The following ECT2L variants were observed in gnomAD, a reference collection of about 807,000 sequenced individuals.
The protein encoded by ECT2L is epithelial cell-transforming sequence 2 oncogene-like.
In ECT2L, 126 loss-of-function variants were observed where a neutral mutation model predicts 122.8. The observed-to-expected ratio is 1.03, with a 90% CI of 0.89 to 1.19. The LOEUF (loss-of-function observed/expected upper bound fraction) is 1.19. Ranked by LOEUF, ECT2L falls within the 50% of genes most tolerant of loss-of-function variation. The pLI is 0.00. For missense variants in ECT2L, 1,012 were observed against 1,064.1 expected (o/e 0.95, Z 0.68); for synonymous variants, 385 against 381.8 (o/e 1.01, Z -0.10).
At position 138,846,558 on chromosome 6, in the gene ECT2L, C is replaced by A; in HGVS notation, c.784C>A (p.His262Asn). 1 of 1,589,108 alleles carries A rather than the reference C, an allele frequency of 6.3e-7. No individual in the cohort carries two copies. The highest frequency in any genetic ancestry group is 8.5e-7 in the Non-Finnish European group (1 of 1,173,034). ...CCATAGAAGCAATATTTCTGGAAGC[C>A]ATTCCTACCCTTTATTATCAAAGAA... ...LPKRSNISGS[H>N]SYPLLSKKNW... is the part of the protein sequence containing the mutation. The change falls in exon 8 of 22, where the codon CAT becomes AAT. Residue 262 changes from histidine to asparagine, a missense_variant. His to Asn is a moderately conservative substitution (Grantham distance 68). Coordinates refer to ENST00000541398, the MANE Select transcript of ECT2L (RefSeq NM_001077706.3).
At chr6:138,857,459 C>T (rs903042617) in intron 10 of ECT2L, among the ~76,000 whole-genome samples, 3 of 152,136 alleles carry the variant, frequency 2.0e-5, no homozygotes, top group Non-Finnish European at 4.4e-5. Flanking sequence ...CCTCACCTCC[C>T]ACACTCTCCT....
At chr6:138,872,996 A>T (rs983150665) in intron 13 of ECT2L, among the ~76,000 whole-genome samples, 13 of 152,214 alleles carry the variant, frequency 8.5e-5, no homozygotes, top group Admixed American at 7.9e-4. Flanking sequence ...GATCACTTGG[A>T]GCAGTTCCTC....
intron 18 of ECT2L, 55 bp downstream of exon 18, chr6:138,885,885 T>C: frequency 6.5e-7 from 1 of 1,539,990 alleles, no homozygotes; most frequent in South Asian, 1.2e-5. Flanking sequence ...GCCTTTGTGG[T>C]ACTCCCACTC....
At chr6:138,838,699 A>G (rs971376866) in intron 5 of ECT2L, among the ~76,000 whole-genome samples, 185 bp downstream of exon 5, 25 of 152,256 alleles carry the variant, frequency 1.6e-4, no homozygotes, top group Admixed American at 1.4e-3. Flanking sequence ...AATAAGGAAT[A>G]TAGACTAGTC....
chr6:138,874,941 A>T (rs968584895), intron 13 of ECT2L, among the ~76,000 whole-genome samples: 1 of 152,208 alleles, frequency 6.6e-6, no homozygotes, highest in African/African-American at 2.4e-5. Flanking sequence ...GAACAAAATT[A>T]GCCAGGCATG....
At chr6:138,847,055 G>T (rs913183053) in intron 8 of ECT2L, among the ~76,000 whole-genome samples, 6 of 150,970 alleles carry the variant, frequency 4.0e-5, no homozygotes, top group African/African-American at 1.5e-4. Flanking sequence ...ATCACCTGAG[G>T]TCAGGAGTTC....
At chr6:138,877,707 G>T (rs1453833035) in intron 14 of ECT2L, among the ~76,000 whole-genome samples, 1 of 152,106 alleles carries the variant, frequency 6.6e-6, no homozygotes, top group Non-Finnish European at 1.5e-5. Flanking sequence ...GCCAAGGCAG[G>T]TGCATCGCTT....
At chr6:138,808,914 A>G (rs1775800624) in intron 1 of ECT2L, among the ~76,000 whole-genome samples, 1 of 151,972 alleles carries the variant, frequency 6.6e-6, no homozygotes, top group South Asian at 2.1e-4. Flanking sequence ...TTTAGTACAG[A>G]TGGAGTTTTG....
intron 4 of ECT2L, among the ~76,000 whole-genome samples, chr6:138,824,350 GATT>G (rs1776358672): frequency 2.0e-5 from 3 of 151,564 alleles, no homozygotes; most frequent in Admixed American, 6.6e-5. Context: ...ATCTAAAACA[GATT>G]ATTAAAGAGG....
chr6:138,853,002 C>T (rs1467562527), intron 9 of ECT2L, among the ~76,000 whole-genome samples: 2 of 152,128 alleles, frequency 1.3e-5, no homozygotes, highest in South Asian at 2.1e-4. Context: ...GAGTCTCGCT[C>T]TGTCGCCCAG....
chr6:138,858,263 A>T (rs936930202), intron 10 of ECT2L, among the ~76,000 whole-genome samples: 2 of 152,100 alleles, frequency 1.3e-5, no homozygotes, highest in Non-Finnish European at 2.9e-5. Flanking sequence ...TTCATACTGG[A>T]TGTTTAATTT....
At chr6:138,881,686 A>T (rs1778651636) in intron 15 of ECT2L, among the ~76,000 whole-genome samples, 1 of 151,860 alleles carries the variant, frequency 6.6e-6, no homozygotes, top group African/African-American at 2.4e-5. Context: ...CAGGCATTAG[A>T]TTCTCATAAG....
Position 138,859,855 on chromosome 6 carries a change from T to C in ECT2L, c.1199-2772T>C, listed in dbSNP as rs1324668075. Among the ~76,000 whole-genome samples the C allele has an allele frequency of 2.6e-5, 4 of 152,106 alleles. No individual in the cohort carries two copies. The East Asian group carries it at 5.8e-4, about 22-fold the overall frequency. On this transcript the variant is annotated intron_variant, in intron 10 of 21. Coordinates refer to ENST00000541398, the MANE Select transcript of ECT2L (RefSeq NM_001077706.3). ...TTTTGAGACAGAGTTTCACTCTTGTTGCCCAGACGAATGCAATGGCGCGAT... is the reference window on the plus strand; with the variant it reads ...TTTTGAGACAGAGTTTCACTCTTGTCGCCCAGACGAATGCAATGGCGCGAT...
intron 1 of ECT2L, among the ~76,000 whole-genome samples, chr6:138,800,015 C>T (rs981444182): frequency 2.6e-5 from 4 of 152,196 alleles, no homozygotes; most frequent in Admixed American, 2.0e-4. Flanking sequence ...ATTTATTACA[C>T]GCCCCCCTCC....
intron 3 of ECT2L, among the ~76,000 whole-genome samples, chr6:138,813,887 T>C (rs1375576589): frequency 6.6e-6 from 1 of 152,182 alleles, no homozygotes. Context: ...GACTAAAGCC[T>C]GACCTATGAT....
At chr6:138,799,712 G>A (rs1020539868) in intron 1 of ECT2L, among the ~76,000 whole-genome samples, 1 of 152,042 alleles carries the variant, frequency 6.6e-6, no homozygotes, top group Non-Finnish European at 1.5e-5. Flanking sequence ...GGTGAATGCC[G>A]CCACACCTGG....
At chr6:138,858,658 T>A (rs2128397343) in intron 10 of ECT2L, among the ~76,000 whole-genome samples, 1 of 151,442 alleles carries the variant, frequency 6.6e-6, no homozygotes, top group Non-Finnish European at 1.5e-5. Context: ...CCACTGGTCT[T>A]TCTTTCACAT....
intron 10 of ECT2L, among the ~76,000 whole-genome samples, chr6:138,856,995 G>A (rs1562477589): frequency 6.6e-6 from 1 of 152,094 alleles, no homozygotes; most frequent in South Asian, 2.1e-4. Context: ...TCCTCCTACC[G>A]TCGAATCCAC....
intron 19 of ECT2L, 36 bp downstream of exon 19, chr6:138,886,958 C>A: frequency 1.3e-6 from 2 of 1,536,170 alleles, no homozygotes; most frequent in South Asian, 2.3e-5. Flanking sequence ...ATCTCATGCT[C>A]ATGAATACAA....
Sources: allele counts gnomAD v4.1 joint callset (sites outside exome capture counted in the v4.1 genomes callset), GRCh38; gene constraint gnomAD v4.1.1; transcripts MANE v1.5; gene names NCBI Gene and HGNC (gene_info 2026-07-23, HGNC 2026-07-21).